The following ARPP21 variants were observed in gnomAD, a reference collection of about 807,000 sequenced individuals.
The protein encoded by ARPP21 is cAMP-regulated phosphoprotein 21.
A neutral mutation model predicts 113.2 loss-of-function variants in ARPP21; 69 were observed. That is an observed-to-expected ratio of 0.61 (90% CI 0.50 to 0.74). ARPP21 has a LOEUF of 0.74. Ranked by LOEUF, ARPP21 falls within the 30% of genes least tolerant of loss-of-function variation. The probability of loss-of-function intolerance (pLI) is 0.00; values close to 1 mark genes in which losing one functional copy is unlikely to be tolerated. For synonymous variants in ARPP21, 368 were observed against 375.5 expected (o/e 0.98, Z 0.23); for missense variants, 1,070 against 1,037.4 (o/e 1.03, Z -0.43).
At chr3:35,705,192 A>G (rs2088317770) in intron 9 of ARPP21, among the ~76,000 whole-genome samples, 1 of 149,840 alleles carries the variant, frequency 6.7e-6, no homozygotes, top group East Asian at 1.9e-4. Flanking sequence ...CTTGCTATGG[A>G]AAAAAAAATG....
At chr3:35,736,429 G>A (rs2094353997) in intron 15 of ARPP21, among the ~76,000 whole-genome samples, 1 of 152,136 alleles carries the variant, frequency 6.6e-6, no homozygotes, top group Non-Finnish European at 1.5e-5. Flanking sequence ...GAATTGTGAT[G>A]AGGCTCAAAT....
At chr3:35,668,027 A>AAGAAGAAGAAGAAGAAGG (rs1553646509) in intron 1 of ARPP21, among the ~76,000 whole-genome samples, 73 of 132,418 alleles carry the variant, frequency 5.5e-4, no homozygotes, top group African/African-American at 1.4e-3. Context: ...GAAGAAGAAG[A>AAGAAGAAGAAGAAGAAGG]AGAAGGAGAA....
intron 19 of ARPP21, among the ~76,000 whole-genome samples, chr3:35,752,548 A>G (rs1015793303): frequency 6.6e-6 from 1 of 152,054 alleles, no homozygotes; most frequent in Non-Finnish European, 1.5e-5. Context: ...ACATCTTGCA[A>G]ATGCTATCCC....
chr3:35,764,928 AC>A (rs1168092787), intron 19 of ARPP21, among the ~76,000 whole-genome samples: 2 of 152,110 alleles, frequency 1.3e-5, no homozygotes, highest in Non-Finnish European at 1.5e-5. Flanking sequence ...AAACCTTTTC[AC>A]TTCACAGGAT....
chr3:35,725,626 C>T (rs1234540642), intron 14 of ARPP21, among the ~76,000 whole-genome samples: 1 of 152,200 alleles, frequency 6.6e-6, no homozygotes, highest in Non-Finnish European at 1.5e-5. Context: ...GGGAATCTGC[C>T]TATGTCCTTC....
At chr3:35,651,061 T>G (rs2148980213) in intron 1 of ARPP21, among the ~76,000 whole-genome samples, 1 of 152,260 alleles carries the variant, frequency 6.6e-6, no homozygotes, top group South Asian at 2.1e-4. Flanking sequence ...TTATAAAATC[T>G]GTTAATCCTT....
At chr3:35,668,011 G>GAAGAAGAAGAAGAAGAAGAAA (rs2075243131) in intron 1 of ARPP21, among the ~76,000 whole-genome samples, 60 of 150,088 alleles carry the variant, frequency 4.0e-4, no homozygotes, top group African/African-American at 1.4e-3. Context: ...AGAAGAAGAA[G>GAAGAAGAAGAAGAAGAAGAAA]AAGAAGAAGA....
At chr3:35,768,080 G>A (rs186823079) in intron 19 of ARPP21, among the ~76,000 whole-genome samples, 3 of 2,206 alleles carry the variant, frequency 1.4e-3, no homozygotes, top group African/African-American at 7.8e-3. Context: ...ATGCTTTTCC[G>A]TGTGTGTGTG....
intron 19 of ARPP21, among the ~76,000 whole-genome samples, chr3:35,758,286 G>A (rs1312625452): frequency 6.6e-6 from 1 of 151,908 alleles, no homozygotes; most frequent in East Asian, 1.9e-4. Context: ...TATACTTGGG[G>A]GGCGGGGGAA....
intron 19 of ARPP21, among the ~76,000 whole-genome samples, chr3:35,746,315 C>CTCTG (rs1463023626): frequency 6.6e-6 from 1 of 152,152 alleles, no homozygotes; most frequent in Non-Finnish European, 1.5e-5. Context: ...TGCACAGAGG[C>CTCTG]TCTGGGTCCT....
chr3:35,763,809 G>T (rs1004853085), intron 19 of ARPP21, among the ~76,000 whole-genome samples: 25 of 152,168 alleles, frequency 1.6e-4, no homozygotes, highest in Non-Finnish European at 3.1e-4. Flanking sequence ...AGTATTTGTA[G>T]AACTATTCAG....
At chr3:35,734,087 G>A (rs965186523) in intron 15 of ARPP21, among the ~76,000 whole-genome samples, 11 of 152,146 alleles carry the variant, frequency 7.2e-5, no homozygotes, top group African/African-American at 2.7e-4. Flanking sequence ...ATGTACATGT[G>A]TATGTGCGTA....
intron 19 of ARPP21, among the ~76,000 whole-genome samples, chr3:35,776,911 GGA>G (rs2096387818): frequency 6.6e-6 from 1 of 152,080 alleles, no homozygotes; most frequent in Admixed American, 6.5e-5. Flanking sequence ...CCTGCTGTAT[GGA>G]GAGTTTTGCC....
At chr3:35,736,713 C>A (rs2094374776) in intron 15 of ARPP21, among the ~76,000 whole-genome samples, 1 of 152,138 alleles carries the variant, frequency 6.6e-6, no homozygotes, top group South Asian at 2.1e-4. Flanking sequence ...GAATTGGTGA[C>A]AAGGCTTAGT....
At chr3:35,691,978 G>T (rs2082371220) in intron 9 of ARPP21, among the ~76,000 whole-genome samples, 1 of 151,624 alleles carries the variant, frequency 6.6e-6, no homozygotes, top group Middle Eastern at 3.4e-3. Flanking sequence ...AGTGGGGATG[G>T]AGATGAGGCG....
intron 12 of ARPP21, 78 bp from the exon 13 acceptor site, chr3:35,717,215 TAGTAG>T: frequency 3.9e-6 from 3 of 768,778 alleles, no homozygotes; most frequent in Middle Eastern, 2.4e-4. Context: ...ATTTGTGCTG[TAGTAG>T]AGTACACATC....
In ARPP21 at chr3:35,719,044, C is replaced by A. The variant is rs559309548; in HGVS notation, c.995+1687C>A. The stretch of plus-strand genomic sequence containing the variant: ...GAAATTCTAGTTACTTACAAGAGGG[C>A]AAGCTCCAATGACCAGATATCCCAT... On this transcript the variant is annotated intron_variant, in intron 13 of 20. Coordinates refer to ENST00000684406, the MANE Select transcript of ARPP21 (RefSeq NM_001385562.1). Among the ~76,000 whole-genome samples, 9 of 152,110 alleles carry A rather than the reference C, an allele frequency of 5.9e-5. No individual in the cohort carries two copies. In the South Asian group the frequency reaches 1.9e-3, roughly 32 times the overall value.
chr3:35,711,347 T>C (rs1425232938), intron 11 of ARPP21, among the ~76,000 whole-genome samples: 5 of 152,176 alleles, frequency 3.3e-5, no homozygotes, highest in Admixed American at 3.3e-4. Context: ...ATGGTCCCTA[T>C]TGTATATCAT....
intron 1 of ARPP21, among the ~76,000 whole-genome samples, chr3:35,671,183 G>C (rs1402308731): frequency 3.3e-5 from 5 of 151,970 alleles, no homozygotes; most frequent in Non-Finnish European, 7.4e-5. Flanking sequence ...TTCAGCACTT[G>C]AGGTCCTGAA....
Sources: allele counts gnomAD v4.1 joint callset (sites outside exome capture counted in the v4.1 genomes callset), GRCh38; gene constraint gnomAD v4.1.1; transcripts MANE v1.5; gene names NCBI Gene and HGNC (gene_info 2026-07-23, HGNC 2026-07-21).